DDX10: variants seen among roughly 807,000 people sequenced by gnomAD.
DDX10 encodes probable ATP-dependent RNA helicase DDX10.
A neutral mutation model predicts 104.3 loss-of-function variants in DDX10; 74 were observed. The observed-to-expected ratio is 0.71, with a 90% CI of 0.59 to 0.86. The LOEUF (loss-of-function observed/expected upper bound fraction) is 0.86, where lower values mean the gene tolerates loss of function less well. DDX10 is among the 40% of genes least tolerant of loss of function. The pLI, the probability that DDX10 is intolerant of heterozygous loss-of-function variation, is 0.00. For synonymous variants in DDX10, 351 were observed against 353.4 expected (o/e 0.99, Z 0.08); for missense variants, 952 against 1,040.0 (o/e 0.92, Z 1.16).
rs114211399 is a variant in DDX10, at chr11:108,668,907, G to A, written c.186+3568G>A. ...GTTATCCTATACTGAGCTCCTTCTG[G>A]TCAGATGCATTACAAAAAACATGCT... On this transcript the variant is annotated intron_variant, in intron 1 of 17. Coordinates refer to ENST00000322536, the MANE Select transcript of DDX10 (RefSeq NM_004398.4). 9.7e-3 allele frequency among the ~76,000 whole-genome samples: 1,469 copies of A among 152,190 alleles called. 20 individuals are homozygous for A. Among genetic ancestry groups the A allele is most frequent in the African/African-American group, 0.033 (1,375 of 41,502 alleles).
intron 7 of DDX10, among the ~76,000 whole-genome samples, chr11:108,690,126 C>CCAAGGATACTCAAGGATACA (rs2094250167): frequency 6.6e-6 from 1 of 152,140 alleles, no homozygotes; most frequent in African/African-American, 2.4e-5. Context: ...TGGGAGCATT[C>CCAAGGATACTCAAGGATACA]CTCAAGGCAA....
intron 13 of DDX10, among the ~76,000 whole-genome samples, chr11:108,815,214 G>A (rs1207954072): frequency 6.6e-6 from 1 of 151,904 alleles, no homozygotes; most frequent in Non-Finnish European, 1.5e-5. Flanking sequence ...TTTTCCCTAT[G>A]TACACAAACA....
chr11:108,725,870 A>G (rs2094304775), intron 13 of DDX10, among the ~76,000 whole-genome samples: 1 of 151,832 alleles, frequency 6.6e-6, no homozygotes. Flanking sequence ...AAAGTCACAG[A>G]TTTTCTCCTA....
intron 2 of DDX10, among the ~76,000 whole-genome samples, chr11:108,674,611 A>G (rs992494320): frequency 6.6e-6 from 1 of 151,920 alleles, no homozygotes; most frequent in Non-Finnish European, 1.5e-5. Context: ...TCTGGGCTCA[A>G]GTGATCCTCC....
At chr11:108,882,722 T>C (rs1319600908) in intron 16 of DDX10, among the ~76,000 whole-genome samples, 1 of 152,194 alleles carries the variant, frequency 6.6e-6, no homozygotes, top group Non-Finnish European at 1.5e-5. Flanking sequence ...TAACTTTTGT[T>C]TCTATTTCTG....
At chr11:108,895,551 C>T (rs371070110) in intron 16 of DDX10, among the ~76,000 whole-genome samples, 5 of 152,026 alleles carry the variant, frequency 3.3e-5, no homozygotes, top group South Asian at 2.1e-4. Flanking sequence ...TTGATTTTAA[C>T]GTCTTATAAA....
intron 16 of DDX10, among the ~76,000 whole-genome samples, chr11:108,917,187 C>T (rs549417535): frequency 6.6e-6 from 1 of 150,994 alleles, no homozygotes; most frequent in Non-Finnish European, 1.5e-5. Flanking sequence ...GCCTCAGCCC[C>T]TGGAGTAGCT....
At chr11:108,882,171 A>G (rs1863235711) in intron 16 of DDX10, among the ~76,000 whole-genome samples, 1 of 152,184 alleles carries the variant, frequency 6.6e-6, no homozygotes, top group African/African-American at 2.4e-5. Flanking sequence ...AGATTAGATA[A>G]TCACTCCAAG....
intron 13 of DDX10, among the ~76,000 whole-genome samples, chr11:108,787,296 G>T (rs898571938): frequency 2.0e-5 from 3 of 151,970 alleles, no homozygotes; most frequent in Non-Finnish European, 4.4e-5. Flanking sequence ...TGCATTGACC[G>T]TGGAGAATCT....
At chr11:108,742,319 G>A (rs2094326212) in intron 13 of DDX10, among the ~76,000 whole-genome samples, 1 of 151,358 alleles carries the variant, frequency 6.6e-6, no homozygotes, top group Non-Finnish European at 1.5e-5. Flanking sequence ...TGTAATCCCA[G>A]CACTTTGGGA....
chr11:108,711,534 T>A (rs1291691389), intron 10 of DDX10, among the ~76,000 whole-genome samples: 1 of 152,198 alleles, frequency 6.6e-6, no homozygotes, highest in Non-Finnish European at 1.5e-5. Flanking sequence ...GGTTTCGCCA[T>A]GTTGGCCAGG....
intron 13 of DDX10, chr11:108,767,169 A>G (rs1469998968): frequency 2.6e-5 from 4 of 152,182 alleles, no homozygotes; most frequent in Admixed American, 6.5e-5. Flanking sequence ...CCAGTAAACA[A>G]TTCATCTCTG....
chr11:108,921,019 C>G (rs919042785), intron 17 of DDX10: 9 of 152,358 alleles, frequency 5.9e-5, no homozygotes, highest in African/African-American at 2.2e-4. Flanking sequence ...TCTCTATTCA[C>G]TTCCATTTGG....
chr11:108,753,946 A>G (rs2094341474), intron 13 of DDX10, among the ~76,000 whole-genome samples: 1 of 152,014 alleles, frequency 6.6e-6, no homozygotes, highest in Admixed American at 6.6e-5. Flanking sequence ...ATAAAGTAAC[A>G]TATATTACAT....
Position 108,679,419 on chromosome 11 carries a change from T to C in DDX10, c.707T>C (p.Met236Thr). 1 of 1,611,246 alleles carries C rather than the reference T, an allele frequency of 6.2e-7. No homozygotes were observed. The highest frequency in any genetic ancestry group is 1.1e-5 in the South Asian group (1 of 90,348). ...TTGGATATGGGCTTTGCTGATACCA[T>C]GAATGCTGTTATTGAAAATCTCCCC... ...RILDMGFADT[M>T]NAVIENLPKK... The change falls in exon 6 of 18, where the codon ATG (methionine) becomes ACG (threonine). Residue 236 changes from methionine to threonine, a missense_variant. By Grantham distance (81) the Met-to-Thr change is moderately conservative (BLOSUM62 -1). Coordinates refer to ENST00000322536, the MANE Select transcript of DDX10 (RefSeq NM_004398.4).
chr11:108,710,631 G>C (rs772951585), intron 10 of DDX10, among the ~76,000 whole-genome samples: 1 of 152,052 alleles, frequency 6.6e-6, no homozygotes, highest in Non-Finnish European at 1.5e-5. Flanking sequence ...GCCTGAGGGT[G>C]TTTTTATAAG....
At chr11:108,872,446 A>T (rs1276992480) in intron 16 of DDX10, among the ~76,000 whole-genome samples, 1 of 152,192 alleles carries the variant, frequency 6.6e-6, no homozygotes, top group African/African-American at 2.4e-5. Context: ...GCACTTATGT[A>T]AGTTTGTGTA....
At chr11:108,794,396 G>A (rs2134550924) in intron 13 of DDX10, among the ~76,000 whole-genome samples, 1 of 151,842 alleles carries the variant, frequency 6.6e-6, no homozygotes, top group East Asian at 1.9e-4. Flanking sequence ...TTGCCCTATT[G>A]CACTAAAACC....
At chr11:108,757,535 T>C (rs1369533815) in intron 13 of DDX10, among the ~76,000 whole-genome samples, 1 of 152,092 alleles carries the variant, frequency 6.6e-6, no homozygotes, top group Non-Finnish European at 1.5e-5. Flanking sequence ...CCAAGGGATT[T>C]CCTGTAAAAG....
Sources: allele counts gnomAD v4.1 joint callset (sites outside exome capture counted in the v4.1 genomes callset), GRCh38; gene constraint gnomAD v4.1.1; transcripts MANE v1.5; gene names NCBI Gene and HGNC (gene_info 2026-07-23, HGNC 2026-07-21).